DYNC1I2: variants seen among roughly 807,000 people sequenced by gnomAD.
DYNC1I2 encodes the protein dynein cytoplasmic 1 intermediate chain 2.
In DYNC1I2, 53 loss-of-function variants were observed where a neutral mutation model predicts 88.6. The ratio of observed to expected loss-of-function variants is 0.60; its 90% CI spans 0.48 to 0.75. DYNC1I2 has a LOEUF of 0.75. Among genes scored for constraint, DYNC1I2 ranks in the 30% least tolerant of loss-of-function variants. The pLI is 0.00. For missense variants in DYNC1I2, 458 were observed against 766.6 expected (o/e 0.60, Z 4.75); for synonymous variants, 198 against 254.6 (o/e 0.78, Z 2.12).
intron 6 of DYNC1I2, among the ~76,000 whole-genome samples, chr2:171,715,064 C>T (rs1016504534): frequency 4.6e-5 from 7 of 152,144 alleles, no homozygotes; most frequent in South Asian, 4.1e-4. Flanking sequence ...CATTATTGCC[C>T]GCACATTTGT....
chr2:171,692,762 A>T lies in DYNC1I2; in HGVS notation c.109-15A>T. ...TACTATATGTAAACATAAGTTTTTAACCTAAACATTTTAGACAGACCAGAA... is the reference window on the plus strand; with the variant it reads ...TACTATATGTAAACATAAGTTTTTATCCTAAACATTTTAGACAGACCAGAA... On this transcript the variant is annotated splice_polypyrimidine_tract_variant and intron_variant, in intron 2 of 17. Coordinates refer to ENST00000397119, the MANE Select transcript of DYNC1I2 (RefSeq NM_001378.3). 6.4e-7 allele frequency: 1 copy of T among 1,559,860 alleles called. No homozygotes were observed. Among genetic ancestry groups the T allele is most frequent in the Non-Finnish European group, 8.7e-7 (1 of 1,154,472 alleles).
intron 3 of DYNC1I2, among the ~76,000 whole-genome samples, chr2:171,697,643 T>C (rs1322357547): frequency 6.7e-6 from 1 of 149,462 alleles, no homozygotes; most frequent in East Asian, 2.0e-4. Context: ...AGCCCAGGAG[T>C]TCAAGACTAG....
chr2:171,741,512 G>T (rs1048724041), intron 15 of DYNC1I2, among the ~76,000 whole-genome samples: 25 of 152,048 alleles, frequency 1.6e-4, no homozygotes, highest in African/African-American at 5.8e-4. Context: ...TTCCTCTCAC[G>T]ACTAATGATG....
chr2:171,692,637 C>T, intron 2 of DYNC1I2, 140 bp from the exon 3 acceptor site: 2 of 563,086 alleles, frequency 3.6e-6, no homozygotes, highest in South Asian at 5.3e-5. Context: ...CATTTAATGA[C>T]TATAAAAAGA....
chr2:171,696,473 T>C (rs1483336130), intron 3 of DYNC1I2, among the ~76,000 whole-genome samples: 1 of 152,184 alleles, frequency 6.6e-6, no homozygotes, highest in Non-Finnish European at 1.5e-5. Context: ...TGTATAACCC[T>C]TTTTTGTGTG....
At chr2:171,701,789 TTA>T (rs1686279556) in intron 3 of DYNC1I2, among the ~76,000 whole-genome samples, 9 of 152,228 alleles carry the variant, frequency 5.9e-5, no homozygotes, top group Admixed American at 4.6e-4. Flanking sequence ...AAATAGATTA[TTA>T]ATAAAAAATT....
chr2:171,690,861 A>T (rs1041262718), intron 2 of DYNC1I2, among the ~76,000 whole-genome samples: 1 of 151,654 alleles, frequency 6.6e-6, no homozygotes, highest in Non-Finnish European at 1.5e-5. Context: ...TTGCCATGTT[A>T]CCCAGGCTGG....
intron 15 of DYNC1I2, among the ~76,000 whole-genome samples, chr2:171,730,056 C>T (rs1688505403): frequency 6.6e-6 from 1 of 152,180 alleles, no homozygotes; most frequent in African/African-American, 2.4e-5. Context: ...GGTAACCCTA[C>T]GCAGAATCAA....
intron 15 of DYNC1I2, among the ~76,000 whole-genome samples, chr2:171,735,862 T>C (rs185707785): frequency 4.7e-4 from 72 of 152,348 alleles, no homozygotes; most frequent in Admixed American, 4.2e-3. Context: ...ATTATTTACT[T>C]GGGACAAGAT....
chr2:171,703,359 C>G (rs1471697035), intron 3 of DYNC1I2, among the ~76,000 whole-genome samples: 1 of 152,178 alleles, frequency 6.6e-6, no homozygotes. Context: ...CCTCAGCCTC[C>G]TGAGTAGCTG....
At chr2:171,709,938 A>G (rs1348709324) in intron 5 of DYNC1I2, among the ~76,000 whole-genome samples, 2 of 152,086 alleles carry the variant, frequency 1.3e-5, no homozygotes, top group African/African-American at 4.8e-5. Context: ...GCTGGTCTCG[A>G]ACTCCTGACC....
chr2:171,697,651 T>C (rs10930490), intron 3 of DYNC1I2, among the ~76,000 whole-genome samples: 147,139 of 150,566 alleles, frequency 0.98, 71,993 homozygotes, highest in Middle Eastern at 1. Context: ...AGTTCAAGAC[T>C]AGCGTGGGCA....
intron 15 of DYNC1I2, among the ~76,000 whole-genome samples, chr2:171,738,224 C>T (rs987919803): frequency 2.6e-5 from 4 of 151,756 alleles, no homozygotes; most frequent in African/African-American, 9.7e-5. Context: ...CCCAGCTACT[C>T]GGGAGGCTGA....
In DYNC1I2 at chr2:171,725,938, T is replaced by C; in HGVS notation, c.627T>C (p.Thr209=). The C allele has an allele frequency of 1.9e-6, 3 of 1,575,914 alleles. No homozygotes were observed. The African/African-American group carries it at 4.1e-5, about 22-fold the overall frequency. ...TTCCAGCTCCCCCTCATGAGCTGACTGAAGAAGAAAAGCAACAAATCTTGC... is the reference window on the plus strand; with the variant it reads ...TTCCAGCTCCCCCTCATGAGCTGACCGAAGAAGAAAAGCAACAAATCTTGC... ...NDSKAPPHEL[T]EEEKQQILHS... is the part of the protein sequence containing the mutation. The change falls in exon 9 of 18, where the codon ACT becomes ACC. Residue 209 remains threonine (T), a synonymous_variant. Transcript: ENST00000397119.
Position 171,697,999 on chromosome 2 carries a change from A to G in DYNC1I2, c.226+5105A>G, listed in dbSNP as rs1233604886. On this transcript the variant is annotated intron_variant, in intron 3 of 17. Coordinates refer to ENST00000397119, the MANE Select transcript of DYNC1I2 (RefSeq NM_001378.3). ...ACATCTCTGGCTATTGAGCAATGCT[A>G]AGCTTGATTATTGGGTTACAATTGT... 2.6e-5 allele frequency among the ~76,000 whole-genome samples: 4 copies of G among 152,208 alleles called. No individual in the cohort carries two copies. In the South Asian group the frequency reaches 6.2e-4, roughly 24 times the overall value.
chr2:171,696,290 C>T (rs550885753), intron 3 of DYNC1I2, among the ~76,000 whole-genome samples: 1 of 152,294 alleles, frequency 6.6e-6, no homozygotes, highest in South Asian at 2.1e-4. Context: ...GCCCCAAAAT[C>T]TGAAACACTT....
Position 171,725,530 on chromosome 2 carries a change from T to C in DYNC1I2, c.512-88T>C, listed in dbSNP as rs899090490. The C allele has an allele frequency of 6.8e-6, 6 of 883,300 alleles. No homozygotes were observed. The African/African-American group carries it at 1.1e-4, about 16-fold the overall frequency. 54.7% of individuals were successfully genotyped at this position (883,300 alleles called of 1,614,324 possible). ...TTGTGATACCTTCTGAAATACTGTCTCAAAAGTTACCAGCTATTTTCATTA... is the reference window on the plus strand; with the variant it reads ...TTGTGATACCTTCTGAAATACTGTCCCAAAAGTTACCAGCTATTTTCATTA... On this transcript the variant is annotated intron_variant, in intron 7 of 17. Transcript: ENST00000397119.
rs117397189 is a variant in DYNC1I2, at chr2:171,690,734, G to A, written c.108+471G>A. On this transcript the variant is annotated intron_variant, in intron 2 of 17. Transcript: ENST00000397119. Reference sequence around the variant, plus strand: ...AGTGGTTTGAGCACAACTCACTGCAGCCTCAACCTCCCCTGACTCAGGTGA... The same window carrying A: ...AGTGGTTTGAGCACAACTCACTGCAACCTCAACCTCCCCTGACTCAGGTGA... 6.7e-4 allele frequency among the ~76,000 whole-genome samples: 100 copies of A among 149,554 alleles called. No individual in the cohort carries two copies. The East Asian group carries it at 0.017, about 25-fold the overall frequency.
intron 3 of DYNC1I2, among the ~76,000 whole-genome samples, chr2:171,704,781 C>T (rs1366714305): frequency 6.6e-6 from 1 of 152,048 alleles, no homozygotes; most frequent in Non-Finnish European, 1.5e-5. Context: ...TGGTATTTGC[C>T]TTCTTGCATA....
Sources: gnomAD v4.1 joint callset for allele counts (sites outside exome capture counted in the v4.1 genomes callset) on GRCh38, gnomAD v4.1.1 for gene constraint, MANE v1.5 for transcripts, NCBI Gene and HGNC (gene_info 2026-07-23, HGNC 2026-07-21) for gene names.